Variants in FUT1 observed in about 807,000 individuals in gnomAD.
FUT1 encodes the protein fucosyltransferase 1 (H blood group), also known as galactoside alpha-(1,2)-fucosyltransferase 1.
For missense variants in FUT1, 476 were observed against 492.7 expected (o/e 0.97, Z 0.32); for synonymous variants, 215 against 208.7 (o/e 1.03, Z -0.26).
chr19:48,752,833 C>A (rs563982348), upstream of FUT1: 4 of 985,518 alleles, frequency 4.1e-6, no homozygotes, highest in African/African-American at 7.0e-5. This position sits in a 1 kb window ranked among gnomAD's most constrained non-coding sequence, Gnocchi z 4.3. Flanking sequence ...CAGGGGACCG[C>A]GCCCTGCCCC....
At chr19:48,751,339 G>A (rs1173722458) in intron 1 of FUT1, 56 bp from the exon 2 acceptor site, 5 of 1,590,162 alleles carry the variant, frequency 3.1e-6, no homozygotes, top group Non-Finnish European at 4.3e-6. Context: ...AGGGGAGGCT[G>A]AGGAGGGATG....
At position 48,750,442 on chromosome 19, in the gene FUT1, C is replaced by T. The variant is rs568411797; in HGVS notation, c.840G>A (p.Thr280=). ...TAGCCTCCTGTCCATCGCCAGCAAA[C>T]GTCACATCGCCCTGGGAGGTGTCGA... The part of the protein sequence containing the change: ...ENIDTSQGDV[T]FAGDGQEATP... The change falls in exon 2 of 2, where the codon ACG becomes ACA. Residue 280 remains threonine (T), a synonymous_variant. Transcript: ENST00000645652. 1.2e-4 allele frequency: 193 copies of T among 1,614,252 alleles called. 2 individuals are homozygous for T. The South Asian group carries it at 1.5e-3, about 13-fold the overall frequency.
rs531772225 is a variant in FUT1, at chr19:48,750,391, G to T, written c.891C>A (p.Leu297=). The T allele has an allele frequency of 9.3e-6, 15 of 1,614,246 alleles. No individual in the cohort carries two copies. In the South Asian group the frequency reaches 1.6e-4, roughly 18 times the overall value. The part of the protein sequence containing the change: ...EATPWKDFAL[L]TQCNHTIMTI... ...TCATAATGGTGTGGTTGCACTGTGT[G>T]AGCAGGGCAAAGTCTTTCCACGGTG... Residue 297 remains leucine (L), a synonymous_variant, in exon 2 of 2, where the codon CTC becomes CTA. Coordinates refer to ENST00000645652, the MANE Select transcript of FUT1 (RefSeq NM_001384359.1).
upstream of FUT1, among the ~76,000 whole-genome samples, chr19:48,754,143 G>C (rs1037639502): frequency 4.8e-5 from 7 of 144,814 alleles, no homozygotes; most frequent in South Asian, 2.2e-4. Context: ...CCGAGATCAC[G>C]CCACTGCACT....
chr19:48,752,818 G>T (rs1223326740), upstream of FUT1: 8 of 985,382 alleles, frequency 8.1e-6, no homozygotes, highest in Non-Finnish European at 9.6e-6. The surrounding 1 kb of genome is among the most constrained non-coding windows in gnomAD (Gnocchi z 4.3). Flanking sequence ...CCCAGATCGG[G>T]GATGCAGGGG....
chr19:48,753,067 G>A (rs559155377), upstream of FUT1: 4 of 220,052 alleles, frequency 1.8e-5, no homozygotes, highest in East Asian at 5.5e-4. Context: ...GCTGGGCAGG[G>A]CCCCCGCACC....
intron 1 of FUT1, 81 bp from the exon 2 acceptor site, chr19:48,751,364 C>A: frequency 6.9e-7 from 1 of 1,444,598 alleles, no homozygotes; most frequent in East Asian, 2.4e-5. Context: ...GTAAGGGAGG[C>A]GCCTGGGGTG....
chr19:48,752,643 G>C (rs1303146975), upstream of FUT1: 1 of 985,422 alleles, frequency 1.0e-6, no homozygotes. This position sits in a 1 kb window ranked among gnomAD's most constrained non-coding sequence, Gnocchi z 4.3. Context: ...GTCCGGACTG[G>C]CAGCGAGGGC....
At chr19:48,754,895 C>G (rs1377325773), upstream of FUT1, among the ~76,000 whole-genome samples, 2 of 152,076 alleles carry the variant, frequency 1.3e-5, no homozygotes, top group East Asian at 3.8e-4. Flanking sequence ...GCACCCAGAC[C>G]CTTCTGCTCA....
chr19:48,754,325 C>T (rs1033155341), upstream of FUT1, among the ~76,000 whole-genome samples: 4 of 152,146 alleles, frequency 2.6e-5, no homozygotes, highest in African/African-American at 4.8e-5. Flanking sequence ...AGGATGACTG[C>T]GGGCAGGCCT....
Position 48,749,912 on chromosome 19 carries a change from T to C in FUT1, c.*272A>G. 2.0e-6 allele frequency: 1 copy of C among 505,148 alleles called. No homozygotes were observed. The highest frequency in any genetic ancestry group is 5.5e-4 in the Middle Eastern group (1 of 1,812). 31.3% of individuals were successfully genotyped at this position (505,148 alleles called of 1,614,324 possible). A position where few individuals can be genotyped will look rare whatever the true frequency, so the allele number is the denominator to read the frequency against. ...CCTGGGGGCAGCCATCTGGAAGTACTGTAGATATGGGCTGGGAAGAGCAGG... is the reference window on the plus strand; with the variant it reads ...CCTGGGGGCAGCCATCTGGAAGTACCGTAGATATGGGCTGGGAAGAGCAGG... On this transcript the variant is annotated 3_prime_UTR_variant, in exon 2 of 2. Transcript: ENST00000645652.
chr19:48,753,661 AGAC>A, upstream of FUT1: 1 of 155,068 alleles, frequency 6.4e-6, no homozygotes, highest in Non-Finnish European at 1.4e-5. Context: ...CAAGACGCAG[AGAC>A]CGGTAGTGGC....
upstream of FUT1, chr19:48,753,726 A>C (rs904548264): frequency 6.5e-6 from 1 of 154,394 alleles, no homozygotes; most frequent in African/African-American, 2.4e-5. Flanking sequence ...AAGGGGGGGC[A>C]GGATAAGGAG....
chr19:48,754,961 C>T (rs1296466631), upstream of FUT1, among the ~76,000 whole-genome samples: 2 of 151,712 alleles, frequency 1.3e-5, no homozygotes, highest in Non-Finnish European at 2.9e-5. Context: ...AGTCCAGGCT[C>T]CCGGCCCCTC....
chr19:48,753,061 G>A (rs1280917999), upstream of FUT1: 3 of 244,342 alleles, frequency 1.2e-5, no homozygotes, highest in East Asian at 1.8e-4. Context: ...CCAGCGGCTG[G>A]GCAGGGCCCC....
chr19:48,750,337 G>A lies in FUT1; in HGVS notation c.945C>T (p.Ala315=). Residue 315 remains alanine, a synonymous_variant, in exon 2 of 2, where the codon GCC becomes GCT. Transcript: ENST00000645652. ...AGACAGTGTCTCCGCCAGCCAGGTA[G>A]GCAGCCCAGAAGCCGAAGGTGCCAA... The part of the protein sequence containing the change: ...MTIGTFGFWA[A]YLAGGDTVYL... 1 of 1,614,228 alleles carries A rather than the reference G, an allele frequency of 6.2e-7. No homozygotes were observed. The highest frequency in any genetic ancestry group is 1.1e-5 in the South Asian group (1 of 91,080).
rs752769882 is a variant in FUT1, at chr19:48,750,613, G to A, written c.669C>T (p.Asp223=). Residue 223 remains aspartate, a synonymous_variant, in exon 2 of 2, where the codon GAC becomes GAT. Transcript: ENST00000645652. The part of the protein sequence containing the change: ...TFVGVHVRRG[D]YLQVMPQRWK... The stretch of plus-strand genomic sequence containing the variant: ...AGCGCTGAGGCATAACCTGCAGATA[G>A]TCCCCACGGCGCACGTGGACGCCGA... 1.4e-5 allele frequency: 22 copies of A among 1,611,382 alleles called. No homozygotes were observed. The South Asian group carries it at 2.3e-4, about 17-fold the overall frequency.
upstream of FUT1, chr19:48,752,940 C>A: frequency 1.0e-6 from 1 of 975,514 alleles, no homozygotes; most frequent in Non-Finnish European, 1.2e-6. This position sits in a 1 kb window ranked among gnomAD's most constrained non-coding sequence, Gnocchi z 4.3. Flanking sequence ...GGAGACGGAG[C>A]GCCCAGTTGC....
rs1357423152 is a variant in FUT1, at chr19:48,752,282, G to C, written c.-3+208C>G. The stretch of plus-strand genomic sequence containing the variant: ...AAATCCACCACAGAGGTGGTGATGG[G>C]AAACGATAGTTCAAGTAAAACAAGA... On this transcript the variant is annotated intron_variant, in intron 1 of 1. Transcript: ENST00000645652. The surrounding 1 kb of genome is among the most constrained non-coding windows in gnomAD (Gnocchi z 4.3). Among the ~76,000 whole-genome samples the C allele has an allele frequency of 6.6e-6, 1 of 152,132 alleles. No individual in the cohort carries two copies. The highest frequency in any genetic ancestry group is 1.5e-5 in the Non-Finnish European group (1 of 68,036).
Sources: gnomAD v4.1 joint callset for allele counts (sites outside exome capture counted in the v4.1 genomes callset) on GRCh38, gnomAD v4.1.1 for gene constraint, Gnocchi (gnomAD v3.1) non-coding constraint, MANE v1.5 for transcripts, NCBI Gene and HGNC (gene_info 2026-07-23, HGNC 2026-07-21) for gene names.